The following FRY variants were observed in gnomAD, a reference collection of about 807,000 sequenced individuals.
FRY encodes the protein protein furry homolog.
A neutral mutation model predicts 348.4 loss-of-function variants in FRY; 128 were observed. The ratio of observed to expected loss-of-function variants is 0.37; its 90% confidence interval spans 0.32 to 0.43. FRY has a LOEUF of 0.43. Ranked by LOEUF, FRY falls within the 20% of genes least tolerant of loss-of-function variation. FRY has a pLI of 1.00. For missense variants in FRY, 2,736 were observed against 3,695.2 expected (o/e 0.74, Z 6.73); for synonymous variants, 1,370 against 1,374.7 (o/e 1.00, Z 0.08).
At chr13:32,115,300 T>G (rs1026793826) in intron 3 of FRY, among the ~76,000 whole-genome samples, 1 of 152,184 alleles carries the variant, frequency 6.6e-6, no homozygotes, top group Non-Finnish European at 1.5e-5. Flanking sequence ...TGCAGAAATA[T>G]TGTGAGTTAA....
At chr13:32,145,836 G>A (rs111920402) in intron 11 of FRY, among the ~76,000 whole-genome samples, 22 of 152,090 alleles carry the variant, frequency 1.4e-4, no homozygotes, top group African/African-American at 5.3e-4. Context: ...GAGCCACCGC[G>A]CCCGGCCTCT....
In FRY at chr13:32,237,778, A is replaced by G. The variant is rs1020725310; in HGVS notation, c.6210A>G (p.Leu2070=). Residue 2070 remains leucine, a synonymous_variant, in exon 44 of 61, where the codon CTA becomes CTG. Transcript: ENST00000542859. This position sits in a 1 kb window ranked among gnomAD's most constrained non-coding sequence, Gnocchi z 6.3. ...YLMALRLLSR[L]LAHMPLDKAE... ...TGGCCTTAAGGCTGTTGAGCAGACT[A>G]CTGGCACATATGCCACTCGATAAGG... is the stretch of plus-strand genomic sequence containing the variant. 13 of 1,614,156 alleles carry G rather than the reference A, an allele frequency of 8.1e-6. No homozygotes were observed. The East Asian group carries it at 8.9e-5, about 11-fold the overall frequency.
intron 1 of FRY, among the ~76,000 whole-genome samples, chr13:32,033,271 T>C (rs759727806): frequency 6.6e-6 from 1 of 152,214 alleles, no homozygotes; most frequent in Non-Finnish European, 1.5e-5. Context: ...CTTTGATTAA[T>C]GAAAAGAATT....
chr13:32,108,299 G>A (rs1397500087), intron 3 of FRY, among the ~76,000 whole-genome samples: 2 of 152,172 alleles, frequency 1.3e-5, no homozygotes, highest in Non-Finnish European at 2.9e-5. Flanking sequence ...GATTTATCAG[G>A]TGCCTAAAGC....
In FRY at chr13:32,212,377, T is replaced by C. The variant is rs758740192; in HGVS notation, c.4677T>C (p.Asp1559=). 1 of 1,589,386 alleles carries C rather than the reference T, an allele frequency of 6.3e-7. No homozygotes were observed. Among genetic ancestry groups the C allele is most frequent in the Admixed American group, 1.7e-5 (1 of 59,712 alleles). The change falls in exon 35 of 61, where the codon GAT becomes GAC. Residue 1559 remains aspartate, a synonymous_variant. Coordinates refer to ENST00000542859, the MANE Select transcript of FRY (RefSeq NM_023037.3). ...AEENKILKES[D]ERFSNVIRAH... is the part of the protein sequence containing the mutation. ...AGAACAAGATATTGAAAGAATCTGATGAAAGGTTGGTACACAAATTTGACT... is the reference window on the plus strand; with the variant it reads ...AGAACAAGATATTGAAAGAATCTGACGAAAGGTTGGTACACAAATTTGACT...
intron 3 of FRY, among the ~76,000 whole-genome samples, chr13:32,104,239 T>C (rs1278451036): frequency 2.6e-5 from 4 of 152,202 alleles, no homozygotes; most frequent in African/African-American, 7.2e-5. Flanking sequence ...ACATGACCTT[T>C]GGAATTAGAC....
intron 1 of FRY, among the ~76,000 whole-genome samples, chr13:32,050,244 A>G (rs567889352): frequency 3.9e-5 from 6 of 152,362 alleles, no homozygotes; most frequent in East Asian, 1.9e-4. Context: ...TTACTTCGGT[A>G]TAGTTTTAGA....
At chr13:32,187,734 AT>A in intron 28 of FRY, 78 bp downstream of exon 28, 1 of 789,196 alleles carries the variant, frequency 1.3e-6, no homozygotes, top group Admixed American at 1.8e-5. Context: ...ATGTGTAAGC[AT>A]TGTTCACAAT....
rs758557898 is a variant in FRY at position 32,178,237 on chromosome 13, C to G, written c.2482C>G (p.Leu828Val). Residue 828 changes from leucine to valine, a missense_variant, in exon 21 of 61, where the codon CTG becomes GTG. Leu to Val is a conservative substitution (Grantham distance 32). Coordinates refer to ENST00000542859, the MANE Select transcript of FRY (RefSeq NM_023037.3). ...GTGGTTGGTGGAATGGAACGCAGTC[C>G]TGGTCAATAGCCATTATGATGTGAA... ...LQWLVEWNAV[L>V]VNSHYDVKSP... 3 of 1,614,192 alleles carry G rather than the reference C, an allele frequency of 1.9e-6. No homozygotes were observed. Among genetic ancestry groups the G allele is most frequent in the Middle Eastern group, 1.6e-4 (1 of 6,062 alleles).
At chr13:32,189,137 A>T (rs947515496) in intron 28 of FRY, among the ~76,000 whole-genome samples, 4 of 152,098 alleles carry the variant, frequency 2.6e-5, no homozygotes, top group Non-Finnish European at 5.9e-5. Flanking sequence ...CATTTTTTTA[A>T]AGCAGCAATG....
At chr13:32,070,000 G>A (rs186129781) in intron 1 of FRY, among the ~76,000 whole-genome samples, 1 of 152,116 alleles carries the variant, frequency 6.6e-6, no homozygotes, top group East Asian at 1.9e-4. Flanking sequence ...TGCTTAGAAT[G>A]ATGGTTTCCA....
In FRY at chr13:32,171,114, C is replaced by G; in HGVS notation, c.1995C>G (p.Gly665=). 1 of 1,613,542 alleles carries G rather than the reference C, an allele frequency of 6.2e-7. No homozygotes were observed. The highest frequency in any genetic ancestry group is 8.5e-7 in the Non-Finnish European group (1 of 1,179,548). Reference sequence around the variant, plus strand: ...ATTGGAGGGAAGATGTACTATTTGGCTTTACCAACTTCCTGCTCCGGGAAG... The same window carrying G: ...ATTGGAGGGAAGATGTACTATTTGGGTTTACCAACTTCCTGCTCCGGGAAG... ...FSDWREDVLF[G]FTNFLLREVN... The change falls in exon 18 of 61, where the codon GGC becomes GGG. Residue 665 remains glycine, a synonymous_variant. Transcript: ENST00000542859.
intron 1 of FRY, among the ~76,000 whole-genome samples, chr13:32,036,343 T>TC (rs1872513530): frequency 6.6e-6 from 1 of 152,162 alleles, no homozygotes; most frequent in African/African-American, 2.4e-5. Context: ...CCACACCCTC[T>TC]CTAAGGCCAC....
At chr13:32,163,813 T>C (rs1266416573) in intron 17 of FRY, among the ~76,000 whole-genome samples, 1 of 152,220 alleles carries the variant, frequency 6.6e-6, no homozygotes, top group African/African-American at 2.4e-5. Context: ...GCTAGTGCTA[T>C]TTATAGTGCG....
intron 7 of FRY, among the ~76,000 whole-genome samples, chr13:32,130,761 TAGAC>T (rs1879308349): frequency 6.6e-6 from 1 of 152,124 alleles, no homozygotes; most frequent in Non-Finnish European, 1.5e-5. Context: ...ATGAATATAA[TAGAC>T]AGCCCATTCA....
chr13:32,203,677 C>A (rs1884179947), intron 31 of FRY, among the ~76,000 whole-genome samples: 1 of 151,898 alleles, frequency 6.6e-6, no homozygotes, highest in South Asian at 2.1e-4. Flanking sequence ...GAGCCGAGAT[C>A]ATGCCATTCC....
chr13:32,268,503 AAAATATATATATATAT>A (rs1372680043), intron 55 of FRY, among the ~76,000 whole-genome samples: 2 of 14,790 alleles, frequency 1.4e-4, no homozygotes, highest in African/African-American at 1.9e-4. Context: ...AAAAAAAAAA[AAAATATATATATATAT>A]ATATATATAT....
chr13:32,044,217 T>G (rs1294865368), intron 1 of FRY, among the ~76,000 whole-genome samples: 1 of 152,210 alleles, frequency 6.6e-6, no homozygotes, highest in Non-Finnish European at 1.5e-5. Flanking sequence ...AAAAAAATGT[T>G]TTTCTGTTTT....
intron 36 of FRY, among the ~76,000 whole-genome samples, chr13:32,220,593 A>C (rs1355022127): frequency 6.6e-6 from 1 of 152,248 alleles, no homozygotes; most frequent in Non-Finnish European, 1.5e-5. Flanking sequence ...TTGGTTCAAG[A>C]AAAGTCTGGT....
Sources: allele counts gnomAD v4.1 joint callset (sites outside exome capture counted in the v4.1 genomes callset), GRCh38; gene constraint gnomAD v4.1.1; non-coding constraint Gnocchi (gnomAD v3.1); transcripts MANE v1.5; gene names NCBI Gene and HGNC (gene_info 2026-07-23, HGNC 2026-07-21).